TRIM44: variants seen among roughly 807,000 people sequenced by gnomAD.
The protein encoded by TRIM44 is tripartite motif containing 44.
In TRIM44, 13 loss-of-function variants were observed where a neutral mutation model predicts 37.4. The observed-to-expected ratio is 0.35, with a 90% CI of 0.23 to 0.55. TRIM44 has a LOEUF of 0.55. TRIM44 is among the 20% of genes least tolerant of loss of function. The probability of loss-of-function intolerance (pLI) is 0.89; values close to 1 mark genes in which losing one functional copy is unlikely to be tolerated. For synonymous variants in TRIM44, 175 were observed against 157.2 expected (o/e 1.11, Z -0.85); for missense variants, 426 against 437.2 (o/e 0.97, Z 0.23).
chr11:35,759,539 G>C (rs1262732612), intron 4 of TRIM44, among the ~76,000 whole-genome samples: 2 of 152,200 alleles, frequency 1.3e-5, no homozygotes, highest in Non-Finnish European at 2.9e-5. Flanking sequence ...TCCGTTGCTG[G>C]TAAGTAGCTG....
chr11:35,663,109 C>G lies in TRIM44; in HGVS notation c.-3C>G. 3 of 1,511,968 alleles carry G rather than the reference C, an allele frequency of 2.0e-6. No homozygotes were observed. Among genetic ancestry groups the G allele is most frequent in the Non-Finnish European group, 2.6e-6 (3 of 1,136,210 alleles). The allele number at this position is 1,511,968 out of a possible 1,614,324, so 93.7% of individuals were successfully genotyped here. ...GAGGCCTTGGCCGCGTCACAGCACC[C>G]ACATGGCCTCTGGAGTGGGCGCGGC... On this transcript the variant is annotated 5_prime_UTR_variant, in exon 1 of 5. Coordinates refer to ENST00000299413, the MANE Select transcript of TRIM44 (RefSeq NM_017583.6).
At chr11:35,722,212 G>C (rs1016175934) in intron 2 of TRIM44, among the ~76,000 whole-genome samples, 8 of 152,140 alleles carry the variant, frequency 5.3e-5, no homozygotes, top group African/African-American at 1.9e-4. Flanking sequence ...GGACTTTTTG[G>C]GGAGATATTT....
intron 4 of TRIM44, among the ~76,000 whole-genome samples, chr11:35,757,919 C>G (rs1047019414): frequency 1.3e-5 from 2 of 152,152 alleles, no homozygotes; most frequent in African/African-American, 4.8e-5. Flanking sequence ...TTACTTCCCA[C>G]TATGCGGTCA....
intron 4 of TRIM44, among the ~76,000 whole-genome samples, chr11:35,761,777 A>G (rs375854259): frequency 2.4e-4 from 37 of 152,228 alleles, no homozygotes; most frequent in African/African-American, 8.9e-4. Flanking sequence ...GAAATGAATA[A>G]AACTTCTCCT....
At chr11:35,756,348 T>A (rs1242362369) in intron 4 of TRIM44, among the ~76,000 whole-genome samples, 2 of 152,202 alleles carry the variant, frequency 1.3e-5, no homozygotes, top group African/African-American at 4.8e-5. Flanking sequence ...TTTTTGCACA[T>A]TGATTTTGTA....
At chr11:35,694,989 A>G (rs565301820) in intron 2 of TRIM44, among the ~76,000 whole-genome samples, 1 of 152,338 alleles carries the variant, frequency 6.6e-6, no homozygotes, top group South Asian at 2.1e-4. Context: ...ATGCAACCAG[A>G]AAACATGCAT....
At chr11:35,723,176 A>C (rs1852129662) in intron 2 of TRIM44, among the ~76,000 whole-genome samples, 1 of 152,082 alleles carries the variant, frequency 6.6e-6, no homozygotes, top group South Asian at 2.1e-4. Flanking sequence ...TGAGTTGTAA[A>C]AGTACATTAG....
chr11:35,693,462 C>G (rs1050281103), intron 2 of TRIM44, among the ~76,000 whole-genome samples: 2 of 151,962 alleles, frequency 1.3e-5, no homozygotes, highest in African/African-American at 4.8e-5. Context: ...TAGTGGGTAC[C>G]TCTTTATGCT....
At chr11:35,806,315 C>T (rs1283024958) in intron 4 of TRIM44, 43 bp from the exon 5 acceptor site, 23 of 1,612,220 alleles carry the variant, frequency 1.4e-5, no homozygotes, top group Non-Finnish European at 1.9e-5. Flanking sequence ...TGCCTCCCTT[C>T]TTGTGATATC....
chr11:35,762,774 C>T (rs1483714546), intron 4 of TRIM44, among the ~76,000 whole-genome samples: 1 of 152,094 alleles, frequency 6.6e-6, no homozygotes, highest in Non-Finnish European at 1.5e-5. Context: ...CCAGCTTTAC[C>T]ACCTGCTAGC....
intron 2 of TRIM44, among the ~76,000 whole-genome samples, chr11:35,712,823 C>T (rs868373432): frequency 2.6e-5 from 4 of 151,978 alleles, no homozygotes; most frequent in South Asian, 2.1e-4. Flanking sequence ...ATTTAGGAGC[C>T]GGGGTACCTA....
At chr11:35,760,597 G>T (rs928306322) in intron 4 of TRIM44, among the ~76,000 whole-genome samples, 2 of 152,208 alleles carry the variant, frequency 1.3e-5, no homozygotes, top group African/African-American at 4.8e-5. Flanking sequence ...CATGCTGGGA[G>T]CTGTAGACTG....
chr11:35,669,716 T>A (rs1851371630), intron 1 of TRIM44, among the ~76,000 whole-genome samples: 1 of 152,120 alleles, frequency 6.6e-6, no homozygotes, highest in African/African-American at 2.4e-5. Context: ...TGGCCTCAGG[T>A]GATCCACCTG....
At chr11:35,762,300 T>C (rs1034748964) in intron 4 of TRIM44, among the ~76,000 whole-genome samples, 1 of 152,154 alleles carries the variant, frequency 6.6e-6, no homozygotes, top group Non-Finnish European at 1.5e-5. Flanking sequence ...TGTCTTTGAG[T>C]GATAGGGCTC....
intron 2 of TRIM44, among the ~76,000 whole-genome samples, chr11:35,696,364 G>T (rs1406408126): frequency 1.3e-5 from 2 of 151,238 alleles, no homozygotes; most frequent in East Asian, 2.0e-4. Context: ...GGATGGTCTC[G>T]ATCTCCTGAC....
intron 4 of TRIM44, among the ~76,000 whole-genome samples, chr11:35,779,843 A>G (rs566693045): frequency 9.0e-5 from 13 of 144,328 alleles, no homozygotes; most frequent in African/African-American, 3.0e-4. Context: ...AACACCATTT[A>G]TTGAATAGGG....
rs559871138 is a variant in TRIM44 at position 35,813,569 on chromosome 11, G to A, written c.*7184G>A. The stretch of plus-strand genomic sequence containing the variant: ...ATAGAGAAAATGGAAATTTTGAGTA[G>A]ACTGCAAAGCTCCAAAGCCCTGATA... On this transcript the variant is annotated 3_prime_UTR_variant, in exon 5 of 5. Coordinates refer to ENST00000299413, the MANE Select transcript of TRIM44 (RefSeq NM_017583.6). The A allele has an allele frequency of 6.6e-6, 1 of 152,104 alleles. No individual in the cohort carries two copies. Among genetic ancestry groups the A allele is most frequent in the South Asian group, 2.1e-4 (1 of 4,826 alleles). 9.4% of individuals were successfully genotyped at this position (152,104 alleles called of 1,614,324 possible).
At chr11:35,719,869 C>G (rs1852080249) in intron 2 of TRIM44, among the ~76,000 whole-genome samples, 1 of 152,146 alleles carries the variant, frequency 6.6e-6, no homozygotes, top group Non-Finnish European at 1.5e-5. Flanking sequence ...GTACCTGGGT[C>G]ATTTCTAGGC....
At chr11:35,771,958 G>A (rs1852878809) in intron 4 of TRIM44, among the ~76,000 whole-genome samples, 1 of 152,138 alleles carries the variant, frequency 6.6e-6, no homozygotes, top group South Asian at 2.1e-4. Context: ...CCCATCACAG[G>A]CCCAGAGGTC....
Sources: allele counts gnomAD v4.1 joint callset (sites outside exome capture counted in the v4.1 genomes callset), GRCh38; gene constraint gnomAD v4.1.1; transcripts MANE v1.5; gene names NCBI Gene and HGNC (gene_info 2026-07-23, HGNC 2026-07-21).